Variants in CPNE3 observed in about 807,000 individuals in gnomAD.
CPNE3 encodes copine-3.
In CPNE3, 68 loss-of-function variants were observed where a neutral mutation model predicts 63.9. That is an observed-to-expected ratio of 1.06 (90% CI 0.87 to 1.30). CPNE3 has a LOEUF of 1.30. Ranked by LOEUF, CPNE3 falls within the 50% of genes most tolerant of loss-of-function variation. The pLI is 0.00. For missense variants in CPNE3, 665 were observed against 578.1 expected, an observed-to-expected ratio of 1.15 and a Z score of -1.54; for synonymous variants, 219 against 197.5, an observed-to-expected ratio of 1.11 and a Z score of -0.91.
Position 86,529,011 on chromosome 8 carries a change from T to A in CPNE3, c.199T>A (p.Tyr67Asn), listed in dbSNP as rs1396553257. The A allele has an allele frequency of 1.2e-6, 2 of 1,613,742 alleles. No individual in the cohort carries two copies. Among genetic ancestry groups the A allele is most frequent in the South Asian group, 1.1e-5 (1 of 91,084 alleles). ...PQFSKTFIID[Y>N]YFEVVQKLKF... ...ATTTTCCAAGACATTTATTATTGAT[T>A]ACTACTTTGAAGTGGTTCAGAAATT... The change falls in exon 4 of 17, where the codon TAC becomes AAC. Residue 67 changes from tyrosine (Y) to asparagine (N), a missense_variant. By Grantham distance (143) the Tyr-to-Asn change is moderately radical. Transcript: ENST00000517490.
At chr8:86,516,203 C>T (rs1034867270) in intron 2 of CPNE3, among the ~76,000 whole-genome samples, 2 of 152,294 alleles carry the variant, frequency 1.3e-5, no homozygotes, top group Admixed American at 6.5e-5. Flanking sequence ...GCACAAACCC[C>T]ACAATGAAGT....
Position 86,554,970 on chromosome 8 carries a change from C to T in CPNE3, c.1240C>T (p.Gln414Ter), listed in dbSNP as rs781427442. The change falls in exon 15 of 17, where the codon CAG (glutamine) becomes TAG (stop). Residue 414 changes from glutamine (Q) to a stop codon, truncating the protein, a stop_gained. Transcript: ENST00000517490. LOFTEE classifies it high-confidence loss of function. Reference protein sequence around the residue: ...VARFAAAATQQQTASQYFVLL... With the variant: ...VARFAAAATQ ...CAGGTTTGCTGCTGCAGCCACGCAA[C>T]AGCAGACAGCTTCTGTAAGTGCTCT... 2.4e-5 allele frequency: 38 copies of T among 1,613,970 alleles called. No homozygotes were observed. Among genetic ancestry groups the T allele is most frequent in the Non-Finnish European group, 2.7e-5 (32 of 1,179,984 alleles).
chr8:86,532,471 A>G, intron 5 of CPNE3, 38 bp from the exon 6 acceptor site: 2 of 1,532,600 alleles, frequency 1.3e-6, no homozygotes, highest in East Asian at 2.3e-5. Flanking sequence ...CAGAATTCCT[A>G]AAACATATTT....
At chr8:86,533,828 C>A (rs1820739014) in intron 6 of CPNE3, among the ~76,000 whole-genome samples, 1 of 152,094 alleles carries the variant, frequency 6.6e-6, no homozygotes, top group South Asian at 2.1e-4. Context: ...TGTCTTACGT[C>A]CTTTTAAATC....
At chr8:86,515,795 ATATAGCCACATATATCCT>A (rs1820287795) in intron 2 of CPNE3, among the ~76,000 whole-genome samples, 1 of 152,196 alleles carries the variant, frequency 6.6e-6, no homozygotes, top group Non-Finnish European at 1.5e-5. Context: ...GGTAAGCTAT[ATATAGCCACATATATCCT>A]GATGTCATTA....
chr8:86,545,484 C>T (rs527246577), intron 9 of CPNE3, among the ~76,000 whole-genome samples: 67 of 152,068 alleles, frequency 4.4e-4, no homozygotes, highest in Middle Eastern at 3.2e-3. Flanking sequence ...AATGAGAATT[C>T]GGTTTGTGGA....
intron 14 of CPNE3, among the ~76,000 whole-genome samples, chr8:86,551,991 C>T (rs1821191518): frequency 1.3e-5 from 2 of 152,160 alleles, no homozygotes; most frequent in South Asian, 4.1e-4. Context: ...CCTTATACCT[C>T]AAGTATCCAA....
At chr8:86,551,150 A>G (rs1821166586) in intron 13 of CPNE3, 33 bp from the exon 14 acceptor site, 1 of 1,613,792 alleles carries the variant, frequency 6.2e-7, no homozygotes, top group African/African-American at 1.3e-5. Context: ...AAAGCAGCCC[A>G]GCCCTCATCA....
chr8:86,521,184 C>A (rs1268346519), intron 2 of CPNE3, among the ~76,000 whole-genome samples: 2 of 152,170 alleles, frequency 1.3e-5, no homozygotes, highest in Non-Finnish European at 2.9e-5. Context: ...GGCACCTACA[C>A]ACATGGCAGA....
intron 2 of CPNE3, among the ~76,000 whole-genome samples, chr8:86,517,684 T>C (rs1455417672): frequency 6.6e-6 from 1 of 152,250 alleles, no homozygotes; most frequent in Non-Finnish European, 1.5e-5. Flanking sequence ...TATTGTTCCC[T>C]GTAGCACTTA....
At chr8:86,547,020 T>A (rs918490609) in intron 10 of CPNE3, among the ~76,000 whole-genome samples, 5 of 152,250 alleles carry the variant, frequency 3.3e-5, no homozygotes, top group Non-Finnish European at 7.3e-5. Flanking sequence ...AAGCCTTGGC[T>A]ACTTATAATA....
At chr8:86,517,003 C>G (rs1455247623) in intron 2 of CPNE3, among the ~76,000 whole-genome samples, 1 of 152,198 alleles carries the variant, frequency 6.6e-6, no homozygotes, top group Non-Finnish European at 1.5e-5. Context: ...TGGTGGTACT[C>G]AGTGACCTGC....
intron 6 of CPNE3, 58 bp from the exon 7 acceptor site, chr8:86,537,505 C>A: frequency 9.6e-7 from 1 of 1,043,368 alleles, no homozygotes; most frequent in Non-Finnish European, 1.5e-6. Flanking sequence ...TATGGTCACA[C>A]ATGGTTTCAT....
chr8:86,539,353 T>C (rs1440507416), intron 7 of CPNE3, among the ~76,000 whole-genome samples: 2 of 152,220 alleles, frequency 1.3e-5, no homozygotes, highest in Non-Finnish European at 2.9e-5. Flanking sequence ...ATAAGCCCTA[T>C]TCCTGCAAGA....
rs946867501 is a variant in CPNE3 at position 86,559,144 on chromosome 8, T to G, written c.*734T>G. 13 of 152,200 alleles carry G rather than the reference T, an allele frequency of 8.5e-5. No homozygotes were observed. Among genetic ancestry groups the G allele is most frequent in the African/African-American group, 3.1e-4 (13 of 41,456 alleles). 9.4% of individuals were successfully genotyped at this position (152,200 alleles called of 1,614,324 possible). On this transcript the variant is annotated 3_prime_UTR_variant, in exon 17 of 17. Transcript: ENST00000517490. ...GTGGAAAACTGTAAACATGGTCAGA[T>G]TTGGCTTTTTTTTTCATTAACTGAG...
chr8:86,534,830 T>C (rs1304749697), intron 6 of CPNE3, among the ~76,000 whole-genome samples: 1 of 152,216 alleles, frequency 6.6e-6, no homozygotes, highest in Admixed American at 6.5e-5. Flanking sequence ...TTCCCCCATA[T>C]TTACCATTTT....
rs1424718629 is a variant in CPNE3 at position 86,561,067 on chromosome 8, T to G, written c.*2657T>G. ...GAAAAATTTGAAGTCTGATCAGAGA[T>G]TTACAACTGTTCATTATAGTGGTGC... On this transcript the variant is annotated 3_prime_UTR_variant, in exon 17 of 17. Coordinates refer to ENST00000517490, the MANE Select transcript of CPNE3 (RefSeq NM_003909.5). 1 of 152,202 alleles carries G rather than the reference T, an allele frequency of 6.6e-6. No individual in the cohort carries two copies. Among genetic ancestry groups the G allele is most frequent in the African/African-American group, 2.4e-5 (1 of 41,446 alleles). The allele number at this position is 152,202 out of a possible 1,614,324, so 9.4% of individuals were successfully genotyped here.
chr8:86,516,750 A>T (rs953569386), intron 2 of CPNE3, among the ~76,000 whole-genome samples: 3 of 152,030 alleles, frequency 2.0e-5, no homozygotes, highest in Non-Finnish European at 4.4e-5. Flanking sequence ...TTTTGGTACT[A>T]TCACTGGGCT....
chr8:86,515,535 G>C (rs1352767496), intron 2 of CPNE3, 36 bp downstream of exon 2: 1 of 152,188 alleles, frequency 6.6e-6, no homozygotes, highest in African/African-American at 2.4e-5. Context: ...ATTCAAGTCC[G>C]TATGGTTTTA....
Sources: gnomAD v4.1 joint callset for allele counts (sites outside exome capture counted in the v4.1 genomes callset) on GRCh38, gnomAD v4.1.1 for gene constraint, MANE v1.5 for transcripts, NCBI Gene and HGNC (gene_info 2026-07-23, HGNC 2026-07-21) for gene names.